SMCHD1: variants seen among roughly 807,000 people sequenced by gnomAD.
SMCHD1 encodes structural maintenance of chromosomes flexible hinge domain containing 1.
In SMCHD1, 78 loss-of-function variants were observed where a neutral mutation model predicts 254.7. The ratio of observed to expected loss-of-function variants is 0.31; its 90% CI spans 0.26 to 0.37. SMCHD1 has a LOEUF of 0.37. SMCHD1 is among the 10% of genes least tolerant of loss of function. The probability of loss-of-function intolerance (pLI) is 1.00; values close to 1 mark genes in which losing one functional copy is unlikely to be tolerated. For synonymous variants in SMCHD1, 766 were observed against 794.9 expected (o/e 0.96, Z 0.61); for missense variants, 1,840 against 2,408.1 (o/e 0.76, Z 4.94).
At chr18:2,763,831 T>C in intron 37 of SMCHD1, 42 bp downstream of exon 37, 1 of 1,571,272 alleles carries the variant, frequency 6.4e-7, no homozygotes, top group East Asian at 2.3e-5. Context: ...TTTCTGTATT[T>C]AATGCTTTTA....
intron 23 of SMCHD1, chr18:2,728,921 A>G (rs1231652436): frequency 8.9e-6 from 2 of 224,070 alleles, no homozygotes; most frequent in Admixed American, 1.2e-4. Flanking sequence ...CTGCCTATGG[A>G]GTAGCCATTC....
chr18:2,715,138 G>A (rs1472060173), intron 17 of SMCHD1, among the ~76,000 whole-genome samples: 3 of 152,082 alleles, frequency 2.0e-5, no homozygotes, highest in Admixed American at 6.5e-5. Flanking sequence ...TTCTTTGGAT[G>A]TGTAGATCTC....
At position 2,748,390 on chromosome 18, in the gene SMCHD1, A is replaced by AATT. The variant is rs781543959; in HGVS notation, c.3927+743_3927+744insATT. ...TGTGTGTGTGTGTGTGTGTATATAAATTTTTTTTTTTTTTTTTTTGGAGAC... is the reference window on the plus strand; with the variant it reads ...TGTGTGTGTGTGTGTGTGTATATAAAATTTTTTTTTTTTTTTTTTTTTGGAGAC... On this transcript the variant is annotated intron_variant, in intron 30 of 47. Transcript: ENST00000320876. Among the ~76,000 whole-genome samples, 11 of 92,700 alleles carry AATT rather than the reference A, an allele frequency of 1.2e-4. 3 individuals carry two copies. The highest frequency in any genetic ancestry group is 3.9e-4 in the African/African-American group (8 of 20,280). The allele number at this position is 92,700 out of a possible 152,430, so 60.8% of individuals were successfully genotyped here.
chr18:2,745,186 T>TTTATTTTAAAAAATTAAAAAAA (rs6146190), intron 29 of SMCHD1, among the ~76,000 whole-genome samples: 35,537 of 99,830 alleles, frequency 0.36, 4,336 homozygotes, highest in South Asian at 0.54. Flanking sequence ...TGAAACAAGT[T>TTTATTTTAAAAAATTAAAAAAA]TTATTTATTT....
At chr18:2,713,035 G>T (rs965497430) in intron 17 of SMCHD1, among the ~76,000 whole-genome samples, 1 of 152,120 alleles carries the variant, frequency 6.6e-6, no homozygotes. Flanking sequence ...TCCCCTCTAG[G>T]ACAGGGGTGA....
At chr18:2,670,940 CTTT>C (rs1235079896) in intron 3 of SMCHD1, among the ~76,000 whole-genome samples, 3 of 124,480 alleles carry the variant, frequency 2.4e-5, no homozygotes, top group Non-Finnish European at 1.7e-5. Flanking sequence ...TCTTTTAATT[CTTT>C]TTTTTTTTTT....
At chr18:2,785,733 G>T (rs892069259) in intron 45 of SMCHD1, among the ~76,000 whole-genome samples, 4 of 145,940 alleles carry the variant, frequency 2.7e-5, no homozygotes, top group African/African-American at 7.4e-5. Context: ...ACTGTTTTCG[G>T]TATGCACAGT....
At chr18:2,696,295 C>T (rs1568164793) in intron 8 of SMCHD1, among the ~76,000 whole-genome samples, 1 of 152,170 alleles carries the variant, frequency 6.6e-6, no homozygotes, top group African/African-American at 2.4e-5. Flanking sequence ...TGGTACCCAT[C>T]TGTGGCCTTT....
rs1427809662 is a variant in SMCHD1, at chr18:2,802,611, C to CTGTT, written c.*61_*64dup. The CTGTT allele has an allele frequency of 2.0e-5, 29 of 1,474,698 alleles. No individual in the cohort carries two copies. Among genetic ancestry groups the CTGTT allele is most frequent in the Non-Finnish European group, 2.6e-5 (28 of 1,095,174 alleles). 91.4% of individuals were successfully genotyped at this position (1,474,698 alleles called of 1,614,324 possible). On this transcript the variant is annotated 3_prime_UTR_variant, in exon 48 of 48. Coordinates refer to ENST00000320876, the MANE Select transcript of SMCHD1 (RefSeq NM_015295.3). ...TAAGAATGCCCTGCTTTCTGCATCT[C>CTGTT]TGTTTCAGAAGACCAAGAGGGTGAC... is the stretch of plus-strand genomic sequence containing the variant.
At chr18:2,703,000 C>G (rs1310047735) in intron 12 of SMCHD1, among the ~76,000 whole-genome samples, 1 of 152,062 alleles carries the variant, frequency 6.6e-6, no homozygotes, top group East Asian at 1.9e-4. Flanking sequence ...TGTATTCTCT[C>G]CCAACAGGGT....
chr18:2,773,993 A>G (rs528103009), intron 41 of SMCHD1, among the ~76,000 whole-genome samples: 1 of 152,330 alleles, frequency 6.6e-6, no homozygotes, highest in South Asian at 2.1e-4. Context: ...CTTTTCCCCC[A>G]AACTTCAAAA....
intron 42 of SMCHD1, among the ~76,000 whole-genome samples, chr18:2,776,397 T>G (rs1439094065): frequency 6.6e-6 from 1 of 151,736 alleles, no homozygotes; most frequent in Non-Finnish European, 1.5e-5. Flanking sequence ...AAATTTTTTT[T>G]TTTTAATTGC....
At position 2,688,432 on chromosome 18, in the gene SMCHD1, G is replaced by A. The variant is rs1012435079; in HGVS notation, c.677G>A (p.Arg226His). 1.2e-5 allele frequency: 19 copies of A among 1,613,594 alleles called. No individual in the cohort carries two copies. Among genetic ancestry groups the A allele is most frequent in the East Asian group, 2.2e-5 (1 of 44,880 alleles). ...SGYVRPVPVP[R>H]SLNSDISYFG... Reference sequence around the variant, plus strand: ...TATGTTCGTCCAGTACCAGTGCCACGCAGTTTAAATAGTGATATTTCCTAT... The same window carrying A: ...TATGTTCGTCCAGTACCAGTGCCACACAGTTTAAATAGTGATATTTCCTAT... Residue 226 changes from arginine (R) to histidine (H), a missense_variant, in exon 6 of 48, where the codon CGC (arginine) becomes CAC (histidine). Physicochemically the swap from Arg to His is conservative, Grantham distance 29. This residue lies in a region of SMCHD1 where 498 missense variants were observed against 743.5 expected (regional missense o/e 0.67). Coordinates refer to ENST00000320876, the MANE Select transcript of SMCHD1 (RefSeq NM_015295.3).
intron 37 of SMCHD1, 64 bp from the exon 38 acceptor site, chr18:2,769,630 A>G: frequency 6.6e-7 from 1 of 1,507,902 alleles, no homozygotes; most frequent in Middle Eastern, 1.8e-4. Flanking sequence ...GTTATGTAAC[A>G]TTTATATGTT....
At position 2,657,363 on chromosome 18, in the gene SMCHD1, A is replaced by T. The variant is rs78900445; in HGVS notation, c.186+1102A>T. 0.013 allele frequency among the ~76,000 whole-genome samples: 1,918 copies of T among 152,330 alleles called. 116 individuals are homozygous for T. In the East Asian group the frequency reaches 0.18, roughly 14 times the overall value. ...GATAAATGAATGAAGACAAAAACCT[A>T]TCCCCTCAAGTTAATTCTGTGCCTG... On this transcript the variant is annotated intron_variant, in intron 1 of 47. Coordinates refer to ENST00000320876, the MANE Select transcript of SMCHD1 (RefSeq NM_015295.3).
intron 7 of SMCHD1, among the ~76,000 whole-genome samples, chr18:2,693,842 GCTGATCTTAAA>G (rs2074232873): frequency 6.6e-6 from 1 of 152,092 alleles, no homozygotes; most frequent in Admixed American, 6.5e-5. Context: ...TGTTGGCCAG[GCTGATCTTAAA>G]CTCCTGACCT....
At chr18:2,800,593 C>T (rs1241145938) in intron 47 of SMCHD1, 2 of 152,136 alleles carry the variant, frequency 1.3e-5, no homozygotes, top group Non-Finnish European at 2.9e-5. Flanking sequence ...CTGCCGCGGC[C>T]TCCCAAAGTA....
chr18:2,741,342 A>G (rs2075346298), intron 28 of SMCHD1, among the ~76,000 whole-genome samples: 1 of 152,226 alleles, frequency 6.6e-6, no homozygotes, highest in Admixed American at 6.5e-5. Context: ...GGAAAAGGAC[A>G]TGCTGGAGTT....
At chr18:2,748,998 A>G (rs946255191) in intron 30 of SMCHD1, among the ~76,000 whole-genome samples, 4 of 152,234 alleles carry the variant, frequency 2.6e-5, no homozygotes, top group African/African-American at 7.2e-5. Flanking sequence ...CTTGTTACAC[A>G]TGGACCTGTT....
Sources: gnomAD v4.1 joint callset for allele counts (sites outside exome capture counted in the v4.1 genomes callset) on GRCh38, gnomAD v4.1.1 for gene constraint, gnomAD v4.1.1 regional missense constraint, MANE v1.5 for transcripts, NCBI Gene and HGNC (gene_info 2026-07-23, HGNC 2026-07-21) for gene names.